RBX1: variants seen among roughly 807,000 people sequenced by gnomAD.
The protein encoded by RBX1 is ring-box 1, also known as E3 ubiquitin-protein ligase RBX1.
For synonymous variants in RBX1, 48 were observed against 47.9 expected, an observed-to-expected ratio of 1.00 and a Z score of -0.01; for missense variants, 46 against 141.4, an observed-to-expected ratio of 0.33 and a Z score of 3.42.
chr22:40,956,523 G>C (rs889645412), intron 2 of RBX1, among the ~76,000 whole-genome samples: 2 of 147,562 alleles, frequency 1.4e-5, no homozygotes, highest in Middle Eastern at 3.5e-3. Flanking sequence ...CTCATTTTTT[G>C]TATTTTTATG....
At chr22:40,970,798 T>G (rs1160271862) in intron 4 of RBX1, among the ~76,000 whole-genome samples, 1 of 152,214 alleles carries the variant, frequency 6.6e-6, no homozygotes, top group Non-Finnish European at 1.5e-5. Context: ...CCATTATTGG[T>G]GCAGTGATTT....
chr22:40,971,120 A>G (rs2058367963), intron 4 of RBX1, among the ~76,000 whole-genome samples: 1 of 152,142 alleles, frequency 6.6e-6, no homozygotes, highest in South Asian at 2.1e-4. Context: ...TTAGACCAGA[A>G]TGGTCTCGTT....
chr22:40,954,578 C>T (rs748052116), intron 2 of RBX1, among the ~76,000 whole-genome samples: 5 of 151,982 alleles, frequency 3.3e-5, no homozygotes, highest in African/African-American at 4.8e-5. Flanking sequence ...CTTTTTCATC[C>T]GGGAACTAAA....
At chr22:40,959,108 G>A (rs556377222) in intron 2 of RBX1, among the ~76,000 whole-genome samples, 1 of 152,128 alleles carries the variant, frequency 6.6e-6, no homozygotes, top group Admixed American at 6.6e-5. Flanking sequence ...GAGCCACCAC[G>A]CCCGGCCCCG....
In RBX1 at chr22:40,964,099, C is replaced by T. The variant is rs142549819; in HGVS notation, c.210C>T (p.Val70=). 1.4e-4 allele frequency: 224 copies of T among 1,613,422 alleles called. No individual in the cohort carries two copies. The highest frequency in any genetic ancestry group is 1.7e-4 in the Non-Finnish European group (206 of 1,179,540). Residue 70 remains valine, a synonymous_variant, in exon 3 of 5, where the codon GTC becomes GTT. Coordinates refer to ENST00000216225, the MANE Select transcript of RBX1 (RefSeq NM_014248.4). ...CCGCTACTTCAGAAGAGTGTACTGT[C>T]GCATGGGGAGTCTGTAACGTAAGGA... The part of the protein sequence containing the change: ...QASATSEECT[V]AWGVCNHAFH...
At chr22:40,961,867 C>T (rs1412536488) in intron 2 of RBX1, among the ~76,000 whole-genome samples, 1 of 151,376 alleles carries the variant, frequency 6.6e-6, no homozygotes, top group African/African-American at 2.4e-5. Flanking sequence ...TCACTGCAGC[C>T]TCTGCCTCCT....
At chr22:40,967,919 G>T in intron 4 of RBX1, 35 bp downstream of exon 4, 2 of 1,459,658 alleles carry the variant, frequency 1.4e-6, no homozygotes, top group South Asian at 2.3e-5. Context: ...GGGGCTTTTT[G>T]ACTTGCCTCA....
intron 2 of RBX1, among the ~76,000 whole-genome samples, chr22:40,962,665 A>AATTTTTATTTATTTTTTTATTTTT: frequency 6.9e-6 from 1 of 144,724 alleles, no homozygotes; most frequent in African/African-American, 2.6e-5. Context: ...ACACCTGGCT[A>AATTTTTATTTATTTTTTTATTTTT]ATTTTTATTT....
rs1339017278 is a variant in RBX1 at position 40,973,013 on chromosome 22, TTCC to T, written c.*531_*533del. 11 of 157,376 alleles carry T rather than the reference TTCC, an allele frequency of 7.0e-5. No individual in the cohort carries two copies. The highest frequency in any genetic ancestry group is 2.2e-4 in the African/African-American group (9 of 41,536). The allele number at this position is 157,376 out of a possible 1,614,324, so 9.7% of individuals were successfully genotyped here. A position where few individuals can be genotyped will look rare whatever the true frequency, so the allele number is the denominator to read the frequency against. ...CCAAGTTGTCTCTCTACTCTGAACT[TTCC>T]TCCTCTGTACTGTGGGCTTCTGAGG... On this transcript the variant is annotated 3_prime_UTR_variant, in exon 5 of 5. Coordinates refer to ENST00000216225, the MANE Select transcript of RBX1 (RefSeq NM_014248.4).
chr22:40,955,447 G>A (rs1028786260), intron 2 of RBX1, among the ~76,000 whole-genome samples: 2 of 151,748 alleles, frequency 1.3e-5, no homozygotes, highest in Non-Finnish European at 2.9e-5. Flanking sequence ...AAATAAAAAG[G>A]TGAAATTAAT....
chr22:40,960,629 A>G (rs1368141391), intron 2 of RBX1, among the ~76,000 whole-genome samples: 1 of 152,174 alleles, frequency 6.6e-6, no homozygotes, highest in East Asian at 1.9e-4. Context: ...TTTATAATAC[A>G]TAGTCTTCCT....
chr22:40,972,073 G>C (rs2058370492), intron 4 of RBX1, among the ~76,000 whole-genome samples: 1 of 152,158 alleles, frequency 6.6e-6, no homozygotes, highest in Non-Finnish European at 1.5e-5. Context: ...TGGAGTTCAG[G>C]TGAAAATAGG....
intron 1 of RBX1, among the ~76,000 whole-genome samples, chr22:40,952,055 C>T (rs1436690102): frequency 6.6e-6 from 1 of 152,132 alleles, no homozygotes; most frequent in African/African-American, 2.4e-5. Flanking sequence ...ATGCTTGGCT[C>T]TTCTGAGACG....
At chr22:40,964,141 A>T (rs1447408161) in intron 3 of RBX1, 24 bp downstream of exon 3, 1 of 1,565,744 alleles carries the variant, frequency 6.4e-7, no homozygotes, top group Non-Finnish European at 8.8e-7. Flanking sequence ...TTTACCTGTC[A>T]GCATGGCTTG....
chr22:40,952,674 A>T (rs976611586), intron 1 of RBX1, among the ~76,000 whole-genome samples: 1 of 150,594 alleles, frequency 6.6e-6, no homozygotes, highest in South Asian at 2.1e-4. Flanking sequence ...GAGTCTAAAC[A>T]TATAAAAGTT....
chr22:40,971,212 C>T (rs186064507), intron 4 of RBX1, among the ~76,000 whole-genome samples: 1 of 152,168 alleles, frequency 6.6e-6, no homozygotes, highest in African/African-American at 2.4e-5. Flanking sequence ...GACTCTGCCA[C>T]TCTAACTGGT....
chr22:40,966,381 A>AC (rs1362698112), intron 3 of RBX1: 1 of 152,156 alleles, frequency 6.6e-6, no homozygotes, highest in Non-Finnish European at 1.5e-5. Flanking sequence ...AGGACACCGT[A>AC]CTGCTGCAAA....
chr22:40,967,702 T>C, intron 3 of RBX1, 97 bp from the exon 4 acceptor site: 1 of 859,300 alleles, frequency 1.2e-6, no homozygotes, highest in Non-Finnish European at 1.8e-6. Context: ...TCTTGCCCAC[T>C]ATATGTCACC....
In RBX1 at chr22:40,972,695, G is replaced by A; in HGVS notation, c.*207G>A. 1.9e-6 allele frequency: 1 copy of A among 530,980 alleles called. No homozygotes were observed. The highest frequency in any genetic ancestry group is 3.4e-6 in the Non-Finnish European group (1 of 293,382). 32.9% of individuals were successfully genotyped at this position (530,980 alleles called of 1,614,324 possible). A position where few individuals can be genotyped will look rare whatever the true frequency, so the allele number is the denominator to read the frequency against. On this transcript the variant is annotated 3_prime_UTR_variant, in exon 5 of 5. Transcript: ENST00000216225. Reference sequence around the variant, plus strand: ...GCTCTCTCTTGTGTATGTGAACAAAGTGAACATAAATGAAGAGTCTCCCCT... The same window carrying A: ...GCTCTCTCTTGTGTATGTGAACAAAATGAACATAAATGAAGAGTCTCCCCT...
Sources: gnomAD v4.1 joint callset for allele counts (sites outside exome capture counted in the v4.1 genomes callset) on GRCh38, gnomAD v4.1.1 for gene constraint, MANE v1.5 for transcripts, NCBI Gene and HGNC (gene_info 2026-07-23, HGNC 2026-07-21) for gene names.